The following CTNNA3 variants were observed in gnomAD, a reference collection of about 807,000 sequenced individuals.
The protein encoded by CTNNA3 is catenin alpha 3.
In CTNNA3, 76 loss-of-function variants were observed where a neutral mutation model predicts 95.7. That is an observed-to-expected ratio of 0.79 (90% CI 0.66 to 0.96). CTNNA3 has a LOEUF of 0.96. CTNNA3 is among the 40% of genes least tolerant of loss of function. CTNNA3 has a pLI of 0.00. For missense variants in CTNNA3, 1,191 were observed against 1,089.8 expected (o/e 1.09, Z -1.31); for synonymous variants, 431 against 374.4 (o/e 1.15, Z -1.74).
chr10:67,134,364 T>A (rs1018739695), intron 7 of CTNNA3, among the ~76,000 whole-genome samples: 1 of 152,126 alleles, frequency 6.6e-6, no homozygotes, highest in African/African-American at 2.4e-5. Context: ...CATGATGAGC[T>A]CTGCTACAGG....
At chr10:67,036,348 C>A (rs1447637257) in intron 7 of CTNNA3, among the ~76,000 whole-genome samples, 1 of 151,496 alleles carries the variant, frequency 6.6e-6, no homozygotes. Context: ...CGGCTCACTG[C>A]AATCTCTCCC....
chr10:65,972,029 C>T (rs2078114959), intron 16 of CTNNA3, among the ~76,000 whole-genome samples: 1 of 152,044 alleles, frequency 6.6e-6, no homozygotes. Flanking sequence ...AAATATGACT[C>T]ACCATATAAA....
intron 9 of CTNNA3, among the ~76,000 whole-genome samples, chr10:66,759,630 A>G (rs2132759578): frequency 6.6e-6 from 1 of 152,320 alleles, no homozygotes; most frequent in Middle Eastern, 3.4e-3. Context: ...TAAATTAATG[A>G]ATAAAGACAC....
chr10:67,595,249 T>G (rs1345106664), intron 3 of CTNNA3, among the ~76,000 whole-genome samples: 1 of 152,180 alleles, frequency 6.6e-6, no homozygotes, highest in Non-Finnish European at 1.5e-5. Flanking sequence ...GAGAGCCTTC[T>G]GCCTTTTTGA....
At chr10:67,506,650 C>T (rs562766634) in intron 5 of CTNNA3, among the ~76,000 whole-genome samples, 2 of 152,162 alleles carry the variant, frequency 1.3e-5, no homozygotes, top group Admixed American at 6.5e-5. Context: ...CCTAGGCATG[C>T]TCCTAGCACT....
At chr10:67,705,793 A>G (rs118084103) in intron 1 of CTNNA3, among the ~76,000 whole-genome samples, 8,272 of 151,802 alleles carry the variant, frequency 0.054, 314 homozygotes, top group Middle Eastern at 0.11. Flanking sequence ...ATAAAAAAAA[A>G]AAAGAAAGAA....
At chr10:66,229,957 A>G (rs891411976) in intron 13 of CTNNA3, among the ~76,000 whole-genome samples, 18 of 151,336 alleles carry the variant, frequency 1.2e-4, no homozygotes, top group African/African-American at 4.1e-4. Flanking sequence ...CTCATTGGGT[A>G]ATTTCTCTAT....
chr10:66,831,098 C>A (rs562915732), intron 7 of CTNNA3, among the ~76,000 whole-genome samples: 2 of 152,314 alleles, frequency 1.3e-5, no homozygotes, highest in African/African-American at 4.8e-5. Context: ...TCCAATGCAT[C>A]ACCATCATCC....
chr10:67,620,923 G>GTGTGTATATATATATATATATATA (rs1402402526), intron 2 of CTNNA3, among the ~76,000 whole-genome samples: 7 of 123,844 alleles, frequency 5.7e-5, no homozygotes, highest in African/African-American at 2.1e-4. Context: ...GTGTGTGTGT[G>GTGTGTATATATATATATATATATA]TATATATATA....
chr10:66,646,473 G>A (rs1044715891), intron 9 of CTNNA3, among the ~76,000 whole-genome samples: 1 of 152,080 alleles, frequency 6.6e-6, no homozygotes, highest in Admixed American at 6.6e-5. Flanking sequence ...AAGTGGAAGG[G>A]GTAGGGAGTA....
chr10:67,744,262 G>A (rs1034653229), intron 1 of CTNNA3, among the ~76,000 whole-genome samples: 2 of 151,160 alleles, frequency 1.3e-5, no homozygotes, highest in Non-Finnish European at 1.5e-5. Context: ...ATACTACAAG[G>A]CTACGGTAAC....
chr10:67,746,524 T>A (rs551131034), intron 1 of CTNNA3, among the ~76,000 whole-genome samples: 1 of 151,220 alleles, frequency 6.6e-6, no homozygotes, highest in East Asian at 2.0e-4. Flanking sequence ...ACTGACTAGG[T>A]GTTTGGTTTG....
rs1320729047 is a variant in CTNNA3, at chr10:65,913,519, C to T, written c.*6811G>A. ...AAATTTGCAAAATCAACAAATAGCA[C>T]ATCTTAACCCTGCAAGACAGTTGCT... On this transcript the variant is annotated 3_prime_UTR_variant, in exon 18 of 18. Coordinates refer to ENST00000433211, the MANE Select transcript of CTNNA3 (RefSeq NM_013266.4). 2 of 152,082 alleles carry T rather than the reference C, an allele frequency of 1.3e-5. No homozygotes were observed. The highest frequency in any genetic ancestry group is 2.9e-5 in the Non-Finnish European group (2 of 68,008). 9.4% of individuals were successfully genotyped at this position (152,082 alleles called of 1,614,324 possible). A position where few individuals can be genotyped will look rare whatever the true frequency, so the allele number is the denominator to read the frequency against.
chr10:66,435,229 T>C (rs191693284), intron 11 of CTNNA3, among the ~76,000 whole-genome samples: 1 of 152,298 alleles, frequency 6.6e-6, no homozygotes, highest in Non-Finnish European at 1.5e-5. Flanking sequence ...TGGAACCAGC[T>C]CTTCTTTGTA....
At chr10:66,466,437 C>CTCA (rs1240853937) in intron 11 of CTNNA3, among the ~76,000 whole-genome samples, 1 of 151,768 alleles carries the variant, frequency 6.6e-6, no homozygotes, top group African/African-American at 2.4e-5. Flanking sequence ...GCAAGGACCT[C>CTCA]TCATCACAGT....
chr10:66,436,762 G>C (rs1292812295), intron 11 of CTNNA3, among the ~76,000 whole-genome samples: 3 of 151,944 alleles, frequency 2.0e-5, no homozygotes, highest in Non-Finnish European at 4.4e-5. Flanking sequence ...CCCATTAATT[G>C]ATGCAGCTTC....
At chr10:66,026,123 A>G (rs2079329148) in intron 15 of CTNNA3, among the ~76,000 whole-genome samples, 1 of 152,174 alleles carries the variant, frequency 6.6e-6, no homozygotes, top group Admixed American at 6.5e-5. Flanking sequence ...AGTTAGATGA[A>G]CTAGCTCCTT....
chr10:66,327,150 T>G (rs1564869972), intron 12 of CTNNA3, among the ~76,000 whole-genome samples: 1 of 152,056 alleles, frequency 6.6e-6, no homozygotes. Flanking sequence ...TAACTGAATG[T>G]GACCCAGCAT....
At chr10:67,387,858 T>C (rs1294231245) in intron 5 of CTNNA3, among the ~76,000 whole-genome samples, 1 of 152,082 alleles carries the variant, frequency 6.6e-6, no homozygotes, top group African/African-American at 2.4e-5. Context: ...TCCTGTCTGT[T>C]AGAAGGAAAA....
Sources: allele counts gnomAD v4.1 joint callset (sites outside exome capture counted in the v4.1 genomes callset), GRCh38; gene constraint gnomAD v4.1.1; transcripts MANE v1.5; gene names NCBI Gene and HGNC (gene_info 2026-07-23, HGNC 2026-07-21).